CFAP47: variants seen among roughly 807,000 people sequenced by gnomAD.
The protein encoded by CFAP47 is cilia- and flagella-associated protein 47.
Under a neutral mutation model 148.1 loss-of-function variants are expected in CFAP47, and 29 were observed. The observed-to-expected ratio is 0.20, with a 90% CI of 0.15 to 0.27. The LOEUF is 0.27. Ranked by LOEUF, CFAP47 falls within the 10% of genes least tolerant of loss-of-function variation. The probability of loss-of-function intolerance (pLI) is 1.00; values close to 1 mark genes in which losing one functional copy is unlikely to be tolerated. For missense variants in CFAP47, 1,872 were observed against 1,697.5 expected (o/e 1.10, Z -1.81); for synonymous variants, 664 against 577.3 (o/e 1.15, Z -2.15).
At chrX:35,999,464 A>G (rs976232102) in intron 19 of CFAP47, among the ~76,000 whole-genome samples, 1 of 112,132 alleles carries the variant, frequency 8.9e-6, no homozygotes, top group Non-Finnish European at 1.9e-5. Flanking sequence ...TTCCTTGTTT[A>G]TTTAAGGTAG....
chrX:36,341,801 C>T (rs1556015812), intron 57 of CFAP47, among the ~76,000 whole-genome samples: 1 of 109,883 alleles, frequency 9.1e-6, no homozygotes, highest in East Asian at 2.9e-4. Flanking sequence ...GATTTATTAT[C>T]AGGGTTTCTA....
At chrX:36,039,739 C>T (rs1436990854) in intron 25 of CFAP47, among the ~76,000 whole-genome samples, 2 of 111,632 alleles carry the variant, frequency 1.8e-5, no homozygotes, top group Non-Finnish European at 3.8e-5. Context: ...CACTCTCAGT[C>T]CACCCTCAAG....
At chrX:36,202,720 C>T (rs1939994871) in intron 44 of CFAP47, among the ~76,000 whole-genome samples, 1 of 109,793 alleles carries the variant, frequency 9.1e-6, no homozygotes, top group Admixed American at 9.8e-5. Context: ...ACTAAAAATA[C>T]AAAAAACTTA....
chrX:36,125,911 G>A (rs1301703236), intron 33 of CFAP47, among the ~76,000 whole-genome samples: 3 of 110,538 alleles, frequency 2.7e-5, no homozygotes, highest in Non-Finnish European at 3.8e-5. Context: ...CATTTACTAT[G>A]CCTGCGTTAT....
At chrX:36,186,370 G>A (rs991984032) in intron 40 of CFAP47, among the ~76,000 whole-genome samples, 6 of 111,232 alleles carry the variant, frequency 5.4e-5, no homozygotes, top group Non-Finnish European at 7.5e-5. Context: ...TCAAGGTGGT[G>A]CAAAAAACAG....
In CFAP47 at chrX:35,948,341, A is replaced by G. The variant is rs202063494; in HGVS notation, c.545A>G (p.Gln182Arg). ...PGIFKAEYHG[Q>R]LPILIFPTSG... Reference sequence around the variant, plus strand: ...ATATTTAAGGCAGAATACCACGGCCAATTACCCATCCTCATTTTTCCAACT... The same window carrying G: ...ATATTTAAGGCAGAATACCACGGCCGATTACCCATCCTCATTTTTCCAACT... Residue 182 changes from glutamine (Q) to arginine (R), a missense_variant, in exon 4 of 64, where the codon CAA becomes CGA. Gln to Arg is a conservative substitution (Grantham distance 43). Transcript: ENST00000378653. 2,340 of 1,202,703 alleles carry G rather than the reference A, an allele frequency of 1.9e-3. 37 individuals carry two copies. The South Asian group carries it at 0.039, about 20-fold the overall frequency.
rs1602103332 is a variant in CFAP47, at chrX:36,310,954, C to T, written c.8309C>T (p.Thr2770Ile). ...STIVIPFKNP[T>I]MEDVLIDIIL... ...ATTGTTATACCTTTCAAAAATCCCA[C>T]AATGGAAGATGTCCTCATTGATATA... Residue 2770 changes from threonine to isoleucine, a missense_variant, in exon 56 of 64, where the codon ACA becomes ATA. Coordinates refer to ENST00000378653, the MANE Select transcript of CFAP47 (RefSeq NM_001304548.2). 2 of 1,138,261 alleles carry T rather than the reference C, an allele frequency of 1.8e-6. No individual in the cohort carries two copies. The highest frequency in any genetic ancestry group is 2.3e-6 in the Non-Finnish European group (2 of 853,348). 93.8% of individuals were successfully genotyped at this position (1,138,261 alleles called of 1,213,427 possible).
chrX:36,197,822 CTTAA>C, intron 42 of CFAP47, among the ~76,000 whole-genome samples: 1 of 111,229 alleles, frequency 9.0e-6, no homozygotes, highest in Non-Finnish European at 1.9e-5. Context: ...AACTGTGGGT[CTTAA>C]TTAATAAAAT....
rs148623090 is a variant in CFAP47, at chrX:36,070,046, G to A, written c.4319-1779G>A. 9.4e-3 allele frequency among the ~76,000 whole-genome samples: 1,052 copies of A among 111,460 alleles called. 2 individuals carry two copies. Among genetic ancestry groups the A allele is most frequent in the Non-Finnish European group, 0.012 (663 of 53,078 alleles). ...TAATTTTATCATTGAGTTCTCTGAG[G>A]CTCAATTCTATGAAGTCTATAGTGG... is the stretch of plus-strand genomic sequence containing the variant. On this transcript the variant is annotated intron_variant, in intron 27 of 63. Coordinates refer to ENST00000378653, the MANE Select transcript of CFAP47 (RefSeq NM_001304548.2).
intron 30 of CFAP47, among the ~76,000 whole-genome samples, chrX:36,088,007 T>C (rs1938118595): frequency 8.9e-6 from 1 of 111,742 alleles, no homozygotes; most frequent in African/African-American, 3.3e-5. Context: ...GTTTTTCCTC[T>C]GTGTACCCAT....
rs1261930720 is a variant in CFAP47, at chrX:36,035,677, TTTTG to T, written c.3652-16_3652-13del. On this transcript the variant is annotated splice_polypyrimidine_tract_variant and intron_variant, in intron 23 of 63. Transcript: ENST00000378653. ...CTATAATTTTAAACTTTTTTTGTCTTTTTGTGTGTGTGAGCAGAATCTTGTTTTA... is the reference window on the plus strand; with the variant it reads ...CTATAATTTTAAACTTTTTTTGTCTTTGTGTGTGAGCAGAATCTTGTTTTA... 3.4e-6 allele frequency: 1 copy of T among 292,792 alleles called. No individual in the cohort carries two copies. Among genetic ancestry groups the T allele is most frequent in the Non-Finnish European group, 6.0e-6 (1 of 167,946 alleles). The allele number at this position is 292,792 out of a possible 1,213,427, so 24.1% of individuals were successfully genotyped here. A position where few individuals can be genotyped will look rare whatever the true frequency, so the allele number is the denominator to read the frequency against.
chrX:36,057,690 C>A (rs1445524242), intron 26 of CFAP47, among the ~76,000 whole-genome samples: 12 of 111,105 alleles, frequency 1.1e-4, no homozygotes, highest in Non-Finnish European at 2.1e-4. Context: ...TTTTTAATGC[C>A]TCTCTTTCCT....
chrX:36,079,399 T>G (rs2146769602), intron 29 of CFAP47, among the ~76,000 whole-genome samples: 1 of 111,819 alleles, frequency 8.9e-6, no homozygotes, highest in African/African-American at 3.2e-5. Context: ...TTCTCTAAAC[T>G]TCTTTTCTTG....
At chrX:36,065,893 A>G in intron 27 of CFAP47, 150 bp downstream of exon 27, 2 of 398,018 alleles carry the variant, frequency 5.0e-6, no homozygotes, top group Admixed American at 9.2e-5. Context: ...TAGAATCTGT[A>G]TGTCTCTTAA....
At chrX:35,971,550 C>A in intron 11 of CFAP47, 36 bp from the exon 12 acceptor site, 1 of 932,961 alleles carries the variant, frequency 1.1e-6, no homozygotes, top group Non-Finnish European at 1.4e-6. Context: ...ATGACTTGAC[C>A]TCAATTACTG....
intron 57 of CFAP47, among the ~76,000 whole-genome samples, chrX:36,330,873 G>A (rs62592499): frequency 0.089 from 9,911 of 111,237 alleles, 449 homozygotes; most frequent in East Asian, 0.27. Context: ...GATCATACCC[G>A]TCAATTATCC....
chrX:36,306,585 A>G (rs1428220385), intron 54 of CFAP47, among the ~76,000 whole-genome samples, 187 bp from the exon 55 acceptor site: 1 of 111,042 alleles, frequency 9.0e-6, no homozygotes, highest in Non-Finnish European at 1.9e-5. Flanking sequence ...TCACCCCCAA[A>G]CACGGTTTAA....
chrX:36,173,941 C>G (rs775826065), intron 39 of CFAP47, among the ~76,000 whole-genome samples: 1 of 111,138 alleles, frequency 9.0e-6, no homozygotes, highest in Non-Finnish European at 1.9e-5. Flanking sequence ...GTCTAATTCT[C>G]TTTGTAGGTC....
At chrX:36,003,318 T>C (rs1052246439) in intron 21 of CFAP47, among the ~76,000 whole-genome samples, 1 of 109,652 alleles carries the variant, frequency 9.1e-6, no homozygotes, top group Non-Finnish European at 1.9e-5. Flanking sequence ...TATATATTGC[T>C]GAATCCAATT....
Sources: gnomAD v4.1 joint callset for allele counts (sites outside exome capture counted in the v4.1 genomes callset) on GRCh38, gnomAD v4.1.1 for gene constraint, MANE v1.5 for transcripts, NCBI Gene and HGNC (gene_info 2026-07-23, HGNC 2026-07-21) for gene names.